AVEN: variants seen among roughly 807,000 people sequenced by gnomAD.
AVEN encodes the protein apoptosis and caspase activation inhibitor, also known as cell death regulator Aven.
AVEN carries 41 observed loss-of-function variants against 38.1 expected under a neutral mutation model. The observed-to-expected ratio is 1.08, with a 90% CI of 0.84 to 1.40. The LOEUF is 1.40. AVEN is among the 40% of genes most tolerant of loss of function. AVEN has a pLI of 0.00. For synonymous variants in AVEN, 206 were observed against 171.8 expected (o/e 1.20, Z -1.56); for missense variants, 605 against 438.8 (o/e 1.38, Z -3.38).
intron 2 of AVEN, among the ~76,000 whole-genome samples, chr15:33,961,822 A>G (rs1895200136): frequency 6.7e-6 from 1 of 150,074 alleles, no homozygotes; most frequent in Non-Finnish European, 1.5e-5. Flanking sequence ...CAAAAAAAAA[A>G]AAAAAAAAAA....
chr15:33,882,030 C>G (rs1485342717), intron 2 of AVEN, among the ~76,000 whole-genome samples: 1 of 152,158 alleles, frequency 6.6e-6, no homozygotes, highest in Non-Finnish European at 1.5e-5. Flanking sequence ...CTAGAAAGAA[C>G]TAGGAAGCTC....
At chr15:34,038,402 T>C (rs1447523447) in intron 1 of AVEN, among the ~76,000 whole-genome samples, 2 of 152,334 alleles carry the variant, frequency 1.3e-5, no homozygotes, top group Non-Finnish European at 2.9e-5. Flanking sequence ...GACCACGTCG[T>C]GGCCGCGCCT....
downstream of AVEN, chr15:33,857,696 C>G: frequency 2.6e-6 from 4 of 1,549,228 alleles, no homozygotes; most frequent in Non-Finnish European, 3.5e-6. Flanking sequence ...CACTCTTCCT[C>G]CTCGTTTTCT....
chr15:33,972,124 C>T (rs992715392), intron 2 of AVEN: 1 of 152,056 alleles, frequency 6.6e-6, no homozygotes, highest in African/African-American at 2.4e-5. Flanking sequence ...ATAAAAGTAC[C>T]ATCTCACAGT....
At chr15:33,874,396 C>G (rs1320276378) in intron 3 of AVEN, among the ~76,000 whole-genome samples, 1 of 152,148 alleles carries the variant, frequency 6.6e-6, no homozygotes, top group Non-Finnish European at 1.5e-5. Context: ...TGGCCACACC[C>G]TTCTCTGAGC....
chr15:33,955,681 A>C lies in AVEN; in HGVS notation c.445+47351T>G, dbSNP rs934285263. Among the ~76,000 whole-genome samples the C allele has an allele frequency of 2.0e-5, 3 of 152,236 alleles. No homozygotes were observed. In the South Asian group the frequency reaches 6.2e-4, roughly 31 times the overall value. ...GATGGGAATTAAAAAGAAAAGCACC[A>C]TTCTGTTAAATTACATGCATTACTT... On this transcript the variant is annotated intron_variant, in intron 2 of 5. Coordinates refer to ENST00000306730, the MANE Select transcript of AVEN (RefSeq NM_020371.3).
chr15:34,060,054 G>C (rs1034280618), intron 5 of AVEN, among the ~76,000 whole-genome samples: 1 of 152,184 alleles, frequency 6.6e-6, no homozygotes, highest in African/African-American at 2.4e-5. Flanking sequence ...GTGTGGCTTA[G>C]ATCTGACCAT....
Position 34,045,314 on chromosome 15 carries a change from T to C in AVEN, n.1637+17608A>G, listed in dbSNP as rs1274580234. Among the ~76,000 whole-genome samples, 3 of 152,220 alleles carry C rather than the reference T, an allele frequency of 2.0e-5. No homozygotes were observed. The East Asian group carries it at 5.8e-4, about 29-fold the overall frequency. ...TCTGGATATTATTGCTTCAGAGGTA[T>C]TAAGAGGTCATTTCTTAATCACCAC... On this transcript the variant is annotated intron_variant and non_coding_transcript_variant, in intron 5 of 11. Coordinates refer to the AVEN transcript ENST00000675287.
chr15:33,938,313 G>C (rs1240355464), intron 2 of AVEN, among the ~76,000 whole-genome samples: 1 of 151,946 alleles, frequency 6.6e-6, no homozygotes, highest in Non-Finnish European at 1.5e-5. Context: ...AAATTAGCCG[G>C]GCGTGGTGGT....
chr15:34,043,174 G>A (rs1209024448), upstream of AVEN, among the ~76,000 whole-genome samples: 1 of 150,672 alleles, frequency 6.6e-6, no homozygotes, highest in Non-Finnish European at 1.5e-5. Flanking sequence ...GTGAACCTGG[G>A]AGGCAGAGCT....
At chr15:33,865,048 G>A (rs1380404163), downstream of AVEN, 3 of 983,482 alleles carry the variant, frequency 3.1e-6, no homozygotes, top group African/African-American at 3.2e-5. Flanking sequence ...CTTCCTAAAG[G>A]GAGCCACAAA....
At chr15:33,954,064 C>G (rs1439266703) in intron 2 of AVEN, among the ~76,000 whole-genome samples, 3 of 152,228 alleles carry the variant, frequency 2.0e-5, no homozygotes, top group African/African-American at 4.8e-5. Context: ...CTCATCATCA[C>G]TGGTCATCAG....
In AVEN at chr15:33,867,555, C is replaced by T. The variant is rs372176230; in HGVS notation, c.913G>A (p.Asp305Asn). ...PIKEGDNILP[D>N]QTSQDLKSKE... ...GATTTCAGGTCCTGAGACGTCTGAT[C>T]TGGTAAGATGTTATCTCCCTCTTTT... Residue 305 changes from aspartate to asparagine, a missense_variant, in exon 5 of 6, where the codon GAT (aspartate) becomes AAT (asparagine). By Grantham distance (23) the Asp-to-Asn change is conservative (BLOSUM62 1). Transcript: ENST00000306730. The T allele has an allele frequency of 1.1e-5, 17 of 1,613,048 alleles. No individual in the cohort carries two copies. Among genetic ancestry groups the T allele is most frequent in the Admixed American group, 1.7e-5 (1 of 59,892 alleles).
At chr15:33,935,209 A>T (rs1343423226) in intron 2 of AVEN, among the ~76,000 whole-genome samples, 1 of 152,176 alleles carries the variant, frequency 6.6e-6, no homozygotes, top group East Asian at 1.9e-4. Context: ...ATCTCTTTCC[A>T]CAGGTCGTCA....
intron 1 of AVEN, among the ~76,000 whole-genome samples, chr15:34,007,914 T>C (rs967928598): frequency 6.6e-6 from 1 of 152,182 alleles, no homozygotes; most frequent in Admixed American, 6.5e-5. Context: ...TTCTCCTCTA[T>C]GGGTGTGCAT....
chr15:33,924,235 A>G (rs1195865486), intron 2 of AVEN, among the ~76,000 whole-genome samples: 1 of 151,888 alleles, frequency 6.6e-6, no homozygotes, highest in African/African-American at 2.4e-5. Flanking sequence ...AGTCCTCTGC[A>G]GAGAAATGCC....
intron 2 of AVEN, among the ~76,000 whole-genome samples, chr15:33,926,905 T>A (rs552542462): frequency 6.6e-6 from 1 of 152,268 alleles, no homozygotes; most frequent in African/African-American, 2.4e-5. Flanking sequence ...TCTGCCTGCC[T>A]CAGCCTCCCA....
downstream of AVEN, chr15:33,855,036 C>G (rs1449795355): frequency 1.0e-6 from 1 of 989,530 alleles, no homozygotes; most frequent in East Asian, 3.1e-5. Flanking sequence ...CTTTTCTTGG[C>G]CAAACACTTC....
intron 2 of AVEN, among the ~76,000 whole-genome samples, chr15:33,929,818 C>T (rs866397730): frequency 2.0e-5 from 3 of 152,260 alleles, no homozygotes; most frequent in African/African-American, 7.2e-5. Flanking sequence ...CACATTGAAG[C>T]AGATCAGCTT....
Sources: allele counts gnomAD v4.1 joint callset (sites outside exome capture counted in the v4.1 genomes callset), GRCh38; gene constraint gnomAD v4.1.1; transcripts MANE v1.5; gene names NCBI Gene and HGNC (gene_info 2026-07-23, HGNC 2026-07-21).